Variants in EYS observed in about 807,000 individuals in gnomAD.
EYS encodes the protein protein eyes shut homolog.
EYS carries 250 observed loss-of-function variants against 282.1 expected under a neutral mutation model. The observed-to-expected ratio is 0.89, with a 90% CI of 0.80 to 0.98. The LOEUF is 0.98. EYS is among the 50% of genes least tolerant of loss of function. The probability of loss-of-function intolerance (pLI) is 0.00; values close to 1 mark genes in which losing one functional copy is unlikely to be tolerated. For missense variants in EYS, 4,016 were observed against 3,709.0 expected, an observed-to-expected ratio of 1.08 and a Z score of -2.15; for synonymous variants, 1,355 against 1,282.9, an observed-to-expected ratio of 1.06 and a Z score of -1.20.
At chr6:65,490,225 A>G (rs1226018942) in intron 5 of EYS, 1 of 158,130 alleles carries the variant, frequency 6.3e-6, no homozygotes, top group Non-Finnish European at 1.4e-5. Context: ...CAGAAACCTC[A>G]ACATGTGTTC....
chr6:64,321,368 A>T, intron 29 of EYS, among the ~76,000 whole-genome samples: 1 of 151,824 alleles, frequency 6.6e-6, no homozygotes, highest in East Asian at 1.9e-4. Context: ...ATATAATCAA[A>T]TTTCATTAGT....
intron 35 of EYS, among the ~76,000 whole-genome samples, chr6:63,974,556 G>A (rs1766742815): frequency 6.6e-6 from 1 of 151,934 alleles, no homozygotes; most frequent in Non-Finnish European, 1.5e-5. Context: ...TATTACCTAA[G>A]GGTAGAGAAA....
intron 12 of EYS, among the ~76,000 whole-genome samples, chr6:65,097,363 T>C (rs1774768726): frequency 6.7e-6 from 1 of 149,596 alleles, no homozygotes; most frequent in Admixed American, 6.7e-5. Context: ...GGTGAGGATG[T>C]AGTGAAATTG....
At chr6:64,439,510 C>G (rs987130211) in intron 26 of EYS, among the ~76,000 whole-genome samples, 158 bp from the exon 27 acceptor site, 1 of 151,738 alleles carries the variant, frequency 6.6e-6, no homozygotes, top group African/African-American at 2.4e-5. Flanking sequence ...ATAGTCATGG[C>G]AGTTTTCTCA....
chr6:64,674,141 A>G (rs1241900764), intron 22 of EYS, among the ~76,000 whole-genome samples: 1 of 152,132 alleles, frequency 6.6e-6, no homozygotes. Flanking sequence ...TAAATATTTA[A>G]AATCTATTCT....
intron 41 of EYS, chr6:63,744,726 C>T (rs1051056852): frequency 1.1e-5 from 2 of 175,104 alleles, no homozygotes; most frequent in Admixed American, 1.3e-4. Context: ...CACCACTACA[C>T]CCGGCTAATT....
intron 28 of EYS, among the ~76,000 whole-genome samples, chr6:64,396,766 C>T (rs1297267253): frequency 2.0e-5 from 3 of 152,036 alleles, no homozygotes; most frequent in Non-Finnish European, 4.4e-5. Flanking sequence ...TTCTGTTCTA[C>T]TGGTCAATTT....
intron 33 of EYS, among the ~76,000 whole-genome samples, chr6:64,049,899 T>C (rs1770750784): frequency 6.6e-6 from 1 of 152,134 alleles, no homozygotes; most frequent in Non-Finnish European, 1.5e-5. Flanking sequence ...CCTGTTCCAT[T>C]GCACCCAGGT....
At chr6:64,477,497 C>T (rs761188750) in intron 26 of EYS, among the ~76,000 whole-genome samples, 10 of 152,086 alleles carry the variant, frequency 6.6e-5, no homozygotes, top group South Asian at 2.1e-4. Context: ...TCCTGTCTGA[C>T]GTCTGATGTA....
intron 26 of EYS, among the ~76,000 whole-genome samples, chr6:64,526,059 T>C (rs1168465287): frequency 6.6e-6 from 1 of 151,868 alleles, no homozygotes; most frequent in Admixed American, 6.6e-5. Flanking sequence ...TTCAGAAAAT[T>C]ATGCTAAGTG....
intron 14 of EYS, among the ~76,000 whole-genome samples, chr6:64,961,398 T>C (rs560829968): frequency 6.6e-6 from 1 of 152,244 alleles, no homozygotes; most frequent in South Asian, 2.1e-4. Flanking sequence ...CCTATTATGA[T>C]CATCTAACTG....
intron 35 of EYS, among the ~76,000 whole-genome samples, chr6:63,873,381 T>C (rs1456311024): frequency 2.0e-5 from 3 of 152,184 alleles, no homozygotes; most frequent in Non-Finnish European, 2.9e-5. Context: ...ATGTGACACA[T>C]TTTCTTAATC....
chr6:64,166,940 T>G (rs1344417147), intron 31 of EYS, among the ~76,000 whole-genome samples: 1 of 152,178 alleles, frequency 6.6e-6, no homozygotes, highest in Non-Finnish European at 1.5e-5. Context: ...TGATAAAAAT[T>G]TTGCTAAAGT....
At chr6:64,735,731 C>A (rs1772166891) in intron 22 of EYS, among the ~76,000 whole-genome samples, 2 of 151,938 alleles carry the variant, frequency 1.3e-5, no homozygotes, top group South Asian at 2.1e-4. Context: ...TAGTGTCTGA[C>A]AAAAGTATTT....
intron 42 of EYS, among the ~76,000 whole-genome samples, chr6:63,723,908 A>G (rs944838073): frequency 6.6e-6 from 1 of 151,470 alleles, no homozygotes; most frequent in Admixed American, 6.6e-5. Flanking sequence ...TGCAACCTCC[A>G]TCTCCCGGGC....
intron 33 of EYS, among the ~76,000 whole-genome samples, chr6:64,004,620 C>T (rs1768255110): frequency 6.6e-6 from 1 of 152,158 alleles, no homozygotes; most frequent in Admixed American, 6.6e-5. Context: ...ACCCTCCACC[C>T]TCAAGTAGGC....
At chr6:65,176,781 T>C (rs1765236352) in intron 12 of EYS, among the ~76,000 whole-genome samples, 1 of 151,698 alleles carries the variant, frequency 6.6e-6, no homozygotes, top group Admixed American at 6.6e-5. Flanking sequence ...TTTTTAAAAT[T>C]TGAAAGCTTA....
At chr6:64,510,249 T>A (rs1026274516) in intron 26 of EYS, among the ~76,000 whole-genome samples, 1 of 152,192 alleles carries the variant, frequency 6.6e-6, no homozygotes, top group African/African-American at 2.4e-5. Flanking sequence ...TATATTGCTT[T>A]TGGAAATAAT....
chr6:64,118,733 C>G (rs889574738), intron 31 of EYS, among the ~76,000 whole-genome samples: 3 of 152,016 alleles, frequency 2.0e-5, no homozygotes, highest in African/African-American at 7.2e-5. Flanking sequence ...GAAAAATCAA[C>G]AGAATGAAGA....
Sources: gnomAD v4.1 joint callset for allele counts (sites outside exome capture counted in the v4.1 genomes callset) on GRCh38, gnomAD v4.1.1 for gene constraint, MANE v1.5 for transcripts, NCBI Gene and HGNC (gene_info 2026-07-23, HGNC 2026-07-21) for gene names.